The following RBFOX1 variants were observed in gnomAD, a reference collection of about 807,000 sequenced individuals.
The protein encoded by RBFOX1 is RNA binding fox-1 homolog 1, also known as RNA binding protein fox-1 homolog 1.
Under a neutral mutation model 57.7 loss-of-function variants are expected in RBFOX1, and 8 were observed. The ratio of observed to expected loss-of-function variants is 0.14; its 90% CI spans 0.08 to 0.25. RBFOX1 has a LOEUF of 0.25. RBFOX1 is among the 10% of genes least tolerant of loss of function. The probability of loss-of-function intolerance (pLI) is 1.00; values close to 1 mark genes in which losing one functional copy is unlikely to be tolerated. For missense variants in RBFOX1, 611 were observed against 548.5 expected (o/e 1.11, Z -1.14); for synonymous variants, 326 against 222.4 (o/e 1.47, Z -4.15).
At chr16:6,586,967 T>A (rs1252648649) in intron 2 of RBFOX1, among the ~76,000 whole-genome samples, 2 of 152,152 alleles carry the variant, frequency 1.3e-5, no homozygotes, top group African/African-American at 4.8e-5. Flanking sequence ...TTAAATTGGG[T>A]TTAAATGAGT....
chr16:5,552,414 A>G (rs567576895), intron 2 of RBFOX1, among the ~76,000 whole-genome samples: 3 of 152,312 alleles, frequency 2.0e-5, no homozygotes, highest in African/African-American at 7.2e-5. Flanking sequence ...AGGTTTCTGT[A>G]TTAAATGCTC....
intron 3 of RBFOX1, among the ~76,000 whole-genome samples, chr16:6,712,768 A>G (rs951135030): frequency 2.6e-5 from 4 of 151,604 alleles, no homozygotes; most frequent in Non-Finnish European, 5.9e-5. Context: ...TATTCCACTT[A>G]CCAGTTGATA....
At chr16:5,478,539 A>G (rs2069410970) in intron 2 of RBFOX1, among the ~76,000 whole-genome samples, 1 of 152,190 alleles carries the variant, frequency 6.6e-6, no homozygotes, top group African/African-American at 2.4e-5. Flanking sequence ...AACACATACA[A>G]GGTAATTCTC....
chr16:6,504,325 A>C (rs2096028451), intron 2 of RBFOX1, among the ~76,000 whole-genome samples: 1 of 152,156 alleles, frequency 6.6e-6, no homozygotes, highest in Non-Finnish European at 1.5e-5. Context: ...CTTCAACTTC[A>C]CATTCCCCTG....
intron 4 of RBFOX1, among the ~76,000 whole-genome samples, chr16:6,000,485 G>A (rs1042285879): frequency 6.6e-6 from 1 of 152,106 alleles, no homozygotes; most frequent in Non-Finnish European, 1.5e-5. Flanking sequence ...ATTGGATCCC[G>A]TGCATGCCTG....
intron 1 of RBFOX1, among the ~76,000 whole-genome samples, chr16:5,410,384 A>G (rs1230377138): frequency 6.6e-6 from 1 of 151,462 alleles, no homozygotes; most frequent in Non-Finnish European, 1.5e-5. Flanking sequence ...AAAAAAAAAA[A>G]GAATAAAAAA....
chr16:6,278,599 C>T (rs2076076402), intron 1 of RBFOX1, among the ~76,000 whole-genome samples: 1 of 151,822 alleles, frequency 6.6e-6, no homozygotes, highest in Non-Finnish European at 1.5e-5. Context: ...CGTAGATTAT[C>T]GTGGGTCTCT....
intron 4 of RBFOX1, among the ~76,000 whole-genome samples, chr16:7,087,371 T>A (rs2060150177): frequency 6.6e-6 from 1 of 152,160 alleles, no homozygotes; most frequent in Admixed American, 6.5e-5. Context: ...TGCCTGTCTG[T>A]TGATGATCAA....
Position 5,282,853 on chromosome 16 carries a change from G to A in RBFOX1, c.219+42748G>A, listed in dbSNP as rs192381465. Among the ~76,000 whole-genome samples, 257 of 152,330 alleles carry A rather than the reference G, an allele frequency of 1.7e-3. 2 individuals carry two copies. The highest frequency in any genetic ancestry group is 5.9e-3 in the African/African-American group (245 of 41,582). On this transcript the variant is annotated intron_variant, in intron 1 of 2. Transcript: ENST00000585867. ...TCAAGAAAAATTCGATCTGGCTGCAGAAATTTGTTTAAGTAATGAGGAGCC... is the reference window on the plus strand; with the variant it reads ...TCAAGAAAAATTCGATCTGGCTGCAAAAATTTGTTTAAGTAATGAGGAGCC...
chr16:6,323,382 C>CT (rs2082026165), intron 2 of RBFOX1, among the ~76,000 whole-genome samples: 1 of 152,176 alleles, frequency 6.6e-6, no homozygotes, highest in Non-Finnish European at 1.5e-5. Context: ...TGTGCACAAT[C>CT]TGTCTTCCCC....
At chr16:6,954,897 G>C (rs28537761) in intron 3 of RBFOX1, among the ~76,000 whole-genome samples, 25,209 of 152,008 alleles carry the variant, frequency 0.17, 2,252 homozygotes, top group Non-Finnish European at 0.19. Flanking sequence ...AATAAAGAAA[G>C]GTAATTATCC....
chr16:7,018,674 A>C (rs1181169384), intron 3 of RBFOX1, among the ~76,000 whole-genome samples: 2 of 152,146 alleles, frequency 1.3e-5, no homozygotes, highest in Non-Finnish European at 1.5e-5. Flanking sequence ...CAACATTAGG[A>C]GATATACCTA....
chr16:6,383,490 C>T (rs1225569978), intron 2 of RBFOX1, among the ~76,000 whole-genome samples: 1 of 152,182 alleles, frequency 6.6e-6, no homozygotes, highest in African/African-American at 2.4e-5. Context: ...AAAAACAGCA[C>T]AGGGCTGGAC....
chr16:7,288,672 C>G (rs2095698544), intron 4 of RBFOX1, among the ~76,000 whole-genome samples: 1 of 152,140 alleles, frequency 6.6e-6, no homozygotes, highest in Non-Finnish European at 1.5e-5. Context: ...GAAATGCCAT[C>G]TCTACTAAAA....
chr16:7,190,207 A>G (rs2085029795), intron 4 of RBFOX1, among the ~76,000 whole-genome samples: 1 of 152,098 alleles, frequency 6.6e-6, no homozygotes, highest in Non-Finnish European at 1.5e-5. Context: ...CTAAAAATAC[A>G]GAAATTACCC....
At chr16:5,592,496 A>C (rs981969651) in intron 2 of RBFOX1, among the ~76,000 whole-genome samples, 28 of 151,378 alleles carry the variant, frequency 1.8e-4, no homozygotes, top group Non-Finnish European at 4.0e-4. Flanking sequence ...GGCTCACTGC[A>C]ACCTCTGCCT....
rs111539917 is a variant in RBFOX1 at position 6,654,023 on chromosome 16, G to A, written c.-63-580G>A. Among the ~76,000 whole-genome samples the A allele has an allele frequency of 2.1e-4, 32 of 151,104 alleles. 1 individual carries two copies. Among genetic ancestry groups the A allele is most frequent in the African/African-American group, 7.1e-4 (29 of 41,114 alleles). ...TGGATGGATAGAGGAAGGGTGGGTG[G>A]GTCAATGAATGGATAGATGGGTGGA... is the stretch of plus-strand genomic sequence containing the variant. On this transcript the variant is annotated intron_variant, in intron 2 of 15. Coordinates refer to ENST00000550418, the MANE Select transcript of RBFOX1 (RefSeq NM_018723.4).
intron 4 of RBFOX1, among the ~76,000 whole-genome samples, chr16:7,504,614 A>T (rs922486560): frequency 2.7e-5 from 4 of 146,744 alleles, no homozygotes; most frequent in African/African-American, 1.0e-4. Context: ...CTGGATTTGC[A>T]CTTATTCACT....
intron 4 of RBFOX1, among the ~76,000 whole-genome samples, chr16:5,916,599 T>A (rs1297653271): frequency 6.6e-6 from 1 of 152,028 alleles, no homozygotes; most frequent in East Asian, 1.9e-4. Context: ...CTTCCCAGCT[T>A]TGGAACTAAT....
Sources: gnomAD v4.1 joint callset for allele counts (sites outside exome capture counted in the v4.1 genomes callset) on GRCh38, gnomAD v4.1.1 for gene constraint, MANE v1.5 for transcripts, NCBI Gene and HGNC (gene_info 2026-07-23, HGNC 2026-07-21) for gene names.